SLC44A5: variants seen among roughly 807,000 people sequenced by gnomAD.
SLC44A5 encodes solute carrier family 44 member 5, also known as choline transporter-like protein 5.
A neutral mutation model predicts 101.8 loss-of-function variants in SLC44A5; 57 were observed. The ratio of observed to expected loss-of-function variants is 0.56; its 90% CI spans 0.45 to 0.70. The LOEUF (loss-of-function observed/expected upper bound fraction) is 0.70. Ranked by LOEUF, SLC44A5 falls within the 30% of genes least tolerant of loss-of-function variation. The pLI is 0.00. For synonymous variants in SLC44A5, 281 were observed against 290.9 expected (o/e 0.97, Z 0.35); for missense variants, 737 against 853.1 (o/e 0.86, Z 1.70).
intron 5 of SLC44A5, among the ~76,000 whole-genome samples, chr1:75,286,196 G>A (rs965686333): frequency 1.3e-5 from 2 of 151,808 alleles, no homozygotes; most frequent in Non-Finnish European, 2.9e-5. Flanking sequence ...TTTTCCTGTT[G>A]GACTAGTTCT....
At chr1:75,627,859 T>A in the SLC44A5 span, among the ~76,000 whole-genome samples, 1 of 149,806 alleles carries the variant, frequency 6.7e-6, no homozygotes, top group Non-Finnish European at 1.5e-5. Flanking sequence ...TGGAATATTA[T>A]TAATTGATTC....
the SLC44A5 span, among the ~76,000 whole-genome samples, chr1:75,720,122 T>A: frequency 6.6e-6 from 1 of 152,210 alleles, no homozygotes; most frequent in African/African-American, 2.4e-5. Context: ...GTCCTACATG[T>A]CCCTTCTGAG....
At chr1:75,628,235 C>A in the SLC44A5 span, among the ~76,000 whole-genome samples, 1 of 152,176 alleles carries the variant, frequency 6.6e-6, no homozygotes, top group South Asian at 2.1e-4. Context: ...TTTTATAAAA[C>A]CTTCCCAATT....
At chr1:75,549,644 G>A (rs1166862520) in intron 1 of SLC44A5, among the ~76,000 whole-genome samples, 3 of 152,004 alleles carry the variant, frequency 2.0e-5, no homozygotes, top group African/African-American at 7.2e-5. Context: ...GTCTTGTGAC[G>A]GCAACAGATT....
chr1:75,352,353 C>T (rs1050542055), intron 3 of SLC44A5, among the ~76,000 whole-genome samples: 2 of 151,926 alleles, frequency 1.3e-5, no homozygotes, highest in African/African-American at 4.8e-5. Flanking sequence ...ACATTCTCCC[C>T]CACCGCCAGT....
chr1:75,457,338 G>T (rs764800913), intron 2 of SLC44A5, among the ~76,000 whole-genome samples: 6 of 152,072 alleles, frequency 3.9e-5, no homozygotes, highest in Non-Finnish European at 7.4e-5. Context: ...AATCACAGAA[G>T]ATGCTTTAAA....
rs1646701633 is a variant in SLC44A5, at chr1:75,203,824, A to C, written c.2057T>G (p.Leu686Ter). The C allele has an allele frequency of 4.5e-6, 7 of 1,548,210 alleles. No individual in the cohort carries two copies. Among genetic ancestry groups the C allele is most frequent in the Non-Finnish European group, 6.1e-6 (7 of 1,145,520 alleles). The change falls in exon 24 of 24, where the codon TTA (leucine) becomes TGA (stop). Residue 686 changes from leucine (L) to a stop codon, truncating the protein, a stop_gained. Coordinates refer to ENST00000370859, the MANE Select transcript of SLC44A5 (RefSeq NM_001130058.2). LOFTEE classifies it low-confidence loss of function (END_TRUNC). ...ETIFICFLED[L>*]ERNDGSTARP... ...TGCAGTAGAACCATCATTTCTTTCT[A>C]AATCTTCCACTAGGAGGAAGAATGG...
intron 3 of SLC44A5, among the ~76,000 whole-genome samples, chr1:75,346,706 A>G (rs893199060): frequency 3.9e-5 from 6 of 152,098 alleles, no homozygotes; most frequent in African/African-American, 1.4e-4. Context: ...AAGGTTATCA[A>G]CTTGGGTTTT....
At chr1:75,551,837 A>G (rs1570594568) in intron 1 of SLC44A5, among the ~76,000 whole-genome samples, 1 of 152,126 alleles carries the variant, frequency 6.6e-6, no homozygotes, top group East Asian at 1.9e-4. Context: ...CTCTCGGTCA[A>G]CATGAGTTTA....
chr1:75,279,587 T>C (rs1031197305), intron 5 of SLC44A5, among the ~76,000 whole-genome samples: 1 of 152,186 alleles, frequency 6.6e-6, no homozygotes, highest in Non-Finnish European at 1.5e-5. Context: ...AATGCAGCAA[T>C]AGATAATGAA....
the SLC44A5 span, among the ~76,000 whole-genome samples, chr1:75,721,774 A>C: frequency 2.0e-5 from 3 of 152,228 alleles, no homozygotes; most frequent in Admixed American, 1.3e-4. Flanking sequence ...TTGTTTAAAA[A>C]GACAGTTATT....
At chr1:75,499,511 GA>G (rs1439462490) in intron 2 of SLC44A5, among the ~76,000 whole-genome samples, 2 of 152,172 alleles carry the variant, frequency 1.3e-5, no homozygotes, top group African/African-American at 2.4e-5. Flanking sequence ...GGGGGTTGGG[GA>G]ACCCTGCTCT....
chr1:75,711,489 T>A, the SLC44A5 span, among the ~76,000 whole-genome samples: 1 of 152,234 alleles, frequency 6.6e-6, no homozygotes, highest in African/African-American at 2.4e-5. Flanking sequence ...CTGTAGACCA[T>A]AGACTACAGC....
the SLC44A5 span, among the ~76,000 whole-genome samples, chr1:75,644,941 C>A: frequency 5.9e-5 from 9 of 152,070 alleles, no homozygotes; most frequent in Admixed American, 2.0e-4. Context: ...CCATGTCCCT[C>A]CAAAGGACAT....
chr1:75,682,935 A>T, the SLC44A5 span, among the ~76,000 whole-genome samples: 152 of 152,324 alleles, frequency 1.0e-3, no homozygotes, highest in African/African-American at 3.5e-3. Context: ...CCCATCAAAA[A>T]GTGGGCGAAG....
At chr1:75,468,329 AAAG>A (rs1666929637) in intron 2 of SLC44A5, among the ~76,000 whole-genome samples, 1 of 152,228 alleles carries the variant, frequency 6.6e-6, no homozygotes, top group Non-Finnish European at 1.5e-5. Context: ...TATACACCCA[AAAG>A]AAAAAAGATC....
intron 2 of SLC44A5, among the ~76,000 whole-genome samples, chr1:75,513,470 T>A (rs1018494027): frequency 2.0e-5 from 3 of 152,236 alleles, no homozygotes; most frequent in African/African-American, 7.2e-5. Context: ...AACTGCCCTA[T>A]AACATAAAAG....
At chr1:75,270,281 C>T (rs1022677394) in intron 6 of SLC44A5, among the ~76,000 whole-genome samples, 4 of 151,882 alleles carry the variant, frequency 2.6e-5, no homozygotes, top group Non-Finnish European at 2.9e-5. Context: ...TTTAGAGTAA[C>T]TTATTAAAAT....
intron 2 of SLC44A5, among the ~76,000 whole-genome samples, chr1:75,431,587 A>C (rs982351158): frequency 6.6e-5 from 10 of 152,204 alleles, no homozygotes; most frequent in Non-Finnish European, 1.3e-4. Context: ...GGATTTCTTC[A>C]GCATTTAATA....
Sources: gnomAD v4.1 joint callset for allele counts (sites outside exome capture counted in the v4.1 genomes callset) on GRCh38, gnomAD v4.1.1 for gene constraint, MANE v1.5 for transcripts, NCBI Gene and HGNC (gene_info 2026-07-23, HGNC 2026-07-21) for gene names.